The following DGKB variants were observed in gnomAD, a reference collection of about 807,000 sequenced individuals.
DGKB encodes 90 kDa diacylglycerol kinase.
Under a neutral mutation model 114.3 loss-of-function variants are expected in DGKB, and 67 were observed. That is an observed-to-expected ratio of 0.59 (90% CI 0.48 to 0.72). DGKB has a LOEUF of 0.72. Among genes scored for constraint, DGKB ranks in the 30% least tolerant of loss-of-function variants. The probability of loss-of-function intolerance (pLI) is 0.00; values close to 1 mark genes in which losing one functional copy is unlikely to be tolerated. For synonymous variants in DGKB, 398 were observed against 323.1 expected (o/e 1.23, Z -2.49); for missense variants, 907 against 975.2 (o/e 0.93, Z 0.93).
chr7:14,351,325 G>T (rs1358094747), intron 21 of DGKB, among the ~76,000 whole-genome samples: 2 of 152,232 alleles, frequency 1.3e-5, no homozygotes, highest in African/African-American at 4.8e-5. Flanking sequence ...TGATTCACCA[G>T]TGAATGAGGA....
At chr7:14,576,496 G>C (rs777601082) in intron 19 of DGKB, among the ~76,000 whole-genome samples, 7 of 151,774 alleles carry the variant, frequency 4.6e-5, no homozygotes, top group South Asian at 2.1e-4. Flanking sequence ...GTCAGAATAA[G>C]CTTGATAGTC....
intron 13 of DGKB, among the ~76,000 whole-genome samples, chr7:14,671,535 C>G (rs1000657019): frequency 6.6e-6 from 1 of 152,292 alleles, no homozygotes; most frequent in Middle Eastern, 3.4e-3. Flanking sequence ...AACACACGCT[C>G]TTTACATTTG....
At chr7:14,813,967 C>A (rs1843754763) in intron 2 of DGKB, among the ~76,000 whole-genome samples, 1 of 152,140 alleles carries the variant, frequency 6.6e-6, no homozygotes, top group South Asian at 2.1e-4. Flanking sequence ...ACAATGCATT[C>A]TATTTATATT....
chr7:14,450,202 C>T (rs537448894), intron 21 of DGKB, among the ~76,000 whole-genome samples: 2 of 152,138 alleles, frequency 1.3e-5, no homozygotes, highest in African/African-American at 4.8e-5. Context: ...TGGTTAACAC[C>T]AAATTCCTGA....
intron 23 of DGKB, among the ~76,000 whole-genome samples, chr7:14,321,249 T>C (rs1401992141): frequency 2.0e-5 from 3 of 151,998 alleles, no homozygotes; most frequent in Non-Finnish European, 4.4e-5. Context: ...CAGTATCACA[T>C]CACTGCACTT....
intron 2 of DGKB, among the ~76,000 whole-genome samples, chr7:14,795,360 T>C (rs887032670): frequency 6.6e-6 from 1 of 152,140 alleles, no homozygotes; most frequent in African/African-American, 2.4e-5. Context: ...TAGTCCGGCA[T>C]GAGAAAGTTG....
chr7:14,883,341 C>T (rs1185101965), intron 1 of DGKB, among the ~76,000 whole-genome samples: 2 of 151,856 alleles, frequency 1.3e-5, no homozygotes, highest in African/African-American at 4.8e-5. Flanking sequence ...GGAAGCAAGC[C>T]ATTTTGCTCC....
intron 12 of DGKB, among the ~76,000 whole-genome samples, chr7:14,674,275 T>C (rs1175442409): frequency 6.6e-6 from 1 of 152,132 alleles, no homozygotes; most frequent in Non-Finnish European, 1.5e-5. Context: ...AAAAAAGTGA[T>C]TTAATTGTAT....
chr7:14,935,008 C>A (rs903756561), intron 1 of DGKB, among the ~76,000 whole-genome samples: 3 of 152,128 alleles, frequency 2.0e-5, no homozygotes, highest in Non-Finnish European at 4.4e-5. Context: ...TTGAGAGAAG[C>A]CTTAGAGCTA....
At chr7:14,421,395 A>G (rs1386187414) in intron 21 of DGKB, among the ~76,000 whole-genome samples, 1 of 152,120 alleles carries the variant, frequency 6.6e-6, no homozygotes, top group Admixed American at 6.6e-5. Flanking sequence ...AATTTTTAAA[A>G]TAACTTTTTG....
At chr7:14,689,213 T>TTTTATTTTA (rs1822347566) in intron 9 of DGKB, among the ~76,000 whole-genome samples, 1 of 131,358 alleles carries the variant, frequency 7.6e-6, no homozygotes, top group Admixed American at 7.6e-5. Flanking sequence ...TTTTTTTTTT[T>TTTTATTTTA]TTTTTTTTTT....
chr7:14,270,634 ATT>A (rs1460155332), intron 23 of DGKB, among the ~76,000 whole-genome samples: 1 of 152,238 alleles, frequency 6.6e-6, no homozygotes. Context: ...TAAAAACTAT[ATT>A]TTGGTTCTCT....
chr7:14,638,819 A>T (rs979289054), intron 13 of DGKB, among the ~76,000 whole-genome samples: 10 of 152,056 alleles, frequency 6.6e-5, no homozygotes, highest in African/African-American at 2.4e-4. Flanking sequence ...AGGCAAGTGG[A>T]TCATCTGAGG....
intron 14 of DGKB, among the ~76,000 whole-genome samples, chr7:14,623,828 A>C (rs1271146571): frequency 6.6e-6 from 1 of 152,206 alleles, no homozygotes; most frequent in South Asian, 2.1e-4. Context: ...TAATGTATAT[A>C]GGAGTGAATT....
chr7:14,336,633 G>T (rs550517047), intron 23 of DGKB, among the ~76,000 whole-genome samples: 12 of 152,126 alleles, frequency 7.9e-5, no homozygotes, highest in Non-Finnish European at 1.8e-4. Flanking sequence ...GAAAGAGAGC[G>T]CTTTTCCAAC....
At position 14,574,880 on chromosome 7, in the gene DGKB, A is replaced by T. The variant is rs534469995; in HGVS notation, c.1610-508T>A. On this transcript the variant is annotated intron_variant, in intron 19 of 25. Coordinates refer to ENST00000402815, the MANE Select transcript of DGKB (RefSeq NM_001350709.2). ...AAGGTCCTACTTTTTGTAAGCTTTA[A>T]AATTTCGTTTCTTATTCTGTCTACT... Among the ~76,000 whole-genome samples, 201 of 152,288 alleles carry T rather than the reference A, an allele frequency of 1.3e-3. 1 individual carries two copies. Among genetic ancestry groups the T allele is most frequent in the Non-Finnish European group, 2.1e-3 (146 of 68,026 alleles).
intron 20 of DGKB, among the ~76,000 whole-genome samples, chr7:14,522,091 C>G (rs1281201474): frequency 6.6e-6 from 1 of 152,056 alleles, no homozygotes; most frequent in Non-Finnish European, 1.5e-5. Context: ...TTAGCGTTCA[C>G]CCAAAGATTG....
At chr7:14,841,078 G>T in intron 2 of DGKB, 116 bp downstream of exon 2, 1 of 856,806 alleles carries the variant, frequency 1.2e-6, no homozygotes, top group South Asian at 2.2e-5. Context: ...AACACAAAAG[G>T]CAGAGCTGGA....
intron 5 of DGKB, among the ~76,000 whole-genome samples, chr7:14,726,132 TTTTA>T (rs535076773): frequency 6.6e-6 from 1 of 151,926 alleles, no homozygotes; most frequent in Non-Finnish European, 1.5e-5. Flanking sequence ...ATTTATTTAT[TTTTA>T]TTTATTTATT....
Sources: gnomAD v4.1 joint callset for allele counts (sites outside exome capture counted in the v4.1 genomes callset) on GRCh38, gnomAD v4.1.1 for gene constraint, MANE v1.5 for transcripts, NCBI Gene and HGNC (gene_info 2026-07-23, HGNC 2026-07-21) for gene names.